JPT2: variants seen among roughly 807,000 people sequenced by gnomAD.
The protein encoded by JPT2 is Jupiter microtubule associated homolog 2.
In JPT2, 9 loss-of-function variants were observed where a neutral mutation model predicts 15.9. The ratio of observed to expected loss-of-function variants is 0.57; its 90% confidence interval spans 0.34 to 0.99. The LOEUF is 0.99. JPT2 is among the 50% of genes least tolerant of loss of function. The pLI is 0.02. For missense variants in JPT2, 267 were observed against 252.1 expected (o/e 1.06, Z -0.40); for synonymous variants, 95 against 91.7 (o/e 1.04, Z -0.21).
At chr16:1,681,329 G>A (rs983853847) in intron 1 of JPT2, among the ~76,000 whole-genome samples, 3 of 152,234 alleles carry the variant, frequency 2.0e-5, no homozygotes, top group Admixed American at 2.0e-4. Flanking sequence ...GATAGCCGCT[G>A]CCCCTTGCCT....
At chr16:1,688,349 C>T (rs560414976) in intron 2 of JPT2, 1 of 152,288 alleles carries the variant, frequency 6.6e-6, no homozygotes, top group Admixed American at 6.5e-5. Flanking sequence ...CAGAGCTAGC[C>T]TTTGAATTGA....
chr16:1,681,197 G>A (rs1054703231), intron 1 of JPT2, among the ~76,000 whole-genome samples: 1 of 152,048 alleles, frequency 6.6e-6, no homozygotes, highest in Non-Finnish European at 1.5e-5. Flanking sequence ...CATTGTTGTC[G>A]GGCTGTTTTT....
rs1386946739 is a variant in JPT2 at position 1,678,303 on chromosome 16, G to T, written c.-10G>T. On this transcript the variant is annotated 5_prime_UTR_variant, in exon 1 of 5. Transcript: ENST00000248098. ...CGGCGCGCGGCGAGCTGAGGGTGGC[G>T]GCGGTCGACATGTTCCAGGTCCCGG... 39 of 1,237,420 alleles carry T rather than the reference G, an allele frequency of 3.2e-5. No individual in the cohort carries two copies. The East Asian group carries it at 6.7e-4, about 21-fold the overall frequency. The allele number at this position is 1,237,420 out of a possible 1,614,324, so 76.7% of individuals were successfully genotyped here.
chr16:1,691,573 G>A (rs901681909), intron 2 of JPT2, among the ~76,000 whole-genome samples: 1 of 152,174 alleles, frequency 6.6e-6, no homozygotes, highest in Admixed American at 6.5e-5. Context: ...AAAATCTGCA[G>A]TTTGATGCCA....
chr16:1,682,361 G>A (rs995619200), intron 1 of JPT2, among the ~76,000 whole-genome samples: 14 of 150,660 alleles, frequency 9.3e-5, no homozygotes, highest in Non-Finnish European at 1.8e-4. Flanking sequence ...TGGTAACAGA[G>A]TGAGACTCCA....
At chr16:1,683,512 A>C in intron 1 of JPT2, 1 of 1,533,740 alleles carries the variant, frequency 6.5e-7, no homozygotes, top group Non-Finnish European at 8.7e-7. Context: ...CCTCCAGGAA[A>C]TGGCAACTGC....
chr16:1,683,399 C>T, intron 1 of JPT2: 1 of 701,884 alleles, frequency 1.4e-6, no homozygotes, highest in Non-Finnish European at 2.4e-6. Flanking sequence ...GTGCCAGGTA[C>T]TGCTCCCGGA....
In JPT2 at chr16:1,699,716, A is replaced by G. The variant is rs549664815; in HGVS notation, c.*718A>G. 6 of 237,342 alleles carry G rather than the reference A, an allele frequency of 2.5e-5. No homozygotes were observed. Among genetic ancestry groups the G allele is most frequent in the Non-Finnish European group, 5.1e-5 (6 of 117,842 alleles). The allele number at this position is 237,342 out of a possible 1,614,324, so 14.7% of individuals were successfully genotyped here. A position where few individuals can be genotyped will look rare whatever the true frequency, so the allele number is the denominator to read the frequency against. On this transcript the variant is annotated 3_prime_UTR_variant, in exon 5 of 5. Transcript: ENST00000248098. ...CACAGGGCTGGTCTTGGTCCTTTACATGCCAGTTTTGCTTGTGAATTCTTG... is the reference window on the plus strand; with the variant it reads ...CACAGGGCTGGTCTTGGTCCTTTACGTGCCAGTTTTGCTTGTGAATTCTTG...
At position 1,700,073 on chromosome 16, in the gene JPT2, G is replaced by GA; in HGVS notation, c.*1081dup. 1 of 442,780 alleles carries GA rather than the reference G, an allele frequency of 2.3e-6. No homozygotes were observed. Among genetic ancestry groups the GA allele is most frequent in the Non-Finnish European group, 4.6e-6 (1 of 217,184 alleles). 27.4% of individuals were successfully genotyped at this position (442,780 alleles called of 1,614,324 possible). A position where few individuals can be genotyped will look rare whatever the true frequency, so the allele number is the denominator to read the frequency against. On this transcript the variant is annotated 3_prime_UTR_variant, in exon 5 of 5. Transcript: ENST00000248098. Reference sequence around the variant, plus strand: ...CTGGTCTGTTTCTGACACCTTTCCAGAAAAAAGTCAATTGTTCAGGTACAC... The same window carrying GA: ...CTGGTCTGTTTCTGACACCTTTCCAGAAAAAAAGTCAATTGTTCAGGTACAC...
At chr16:1,680,481 T>C (rs1226407333) in intron 1 of JPT2, 2 of 1,249,056 alleles carry the variant, frequency 1.6e-6, no homozygotes, top group African/African-American at 1.5e-5. Flanking sequence ...GGAAAGCCGG[T>C]CTGAACTGGA....
rs533794547 is a variant in JPT2, at chr16:1,689,673, C to G, written c.194-2170C>G. The G allele has an allele frequency of 3.9e-5, 6 of 152,460 alleles. No individual in the cohort carries two copies. The East Asian group carries it at 1.2e-3, about 29-fold the overall frequency. 9.4% of individuals were successfully genotyped at this position (152,460 alleles called of 1,614,324 possible). On this transcript the variant is annotated intron_variant, in intron 2 of 4. Transcript: ENST00000248098. ...CCCACGCTAGTATTGAACTCCTGGA[C>G]TCAAGCAGTCCTCCCACCTTGGCCT...
chr16:1,683,071 G>C (rs368936016), intron 1 of JPT2, among the ~76,000 whole-genome samples: 1 of 152,138 alleles, frequency 6.6e-6, no homozygotes, highest in Non-Finnish European at 1.5e-5. Flanking sequence ...CCGCCTCCCG[G>C]GTTCACGCCA....
intron 1 of JPT2, among the ~76,000 whole-genome samples, chr16:1,678,824 T>C (rs1798310279): frequency 6.6e-6 from 1 of 152,094 alleles, no homozygotes; most frequent in Non-Finnish European, 1.5e-5. Context: ...TGTCTGGCCA[T>C]GCCCCCGCTC....
In JPT2 at chr16:1,700,187, CT is replaced by C. The variant is rs1567473152; in HGVS notation, c.*1190del. On this transcript the variant is annotated 3_prime_UTR_variant, in exon 5 of 5. Transcript: ENST00000248098. ...CTCACAAACAAGCTTCCAGAAGAGA[CT>C]AGAGACCTTAGGCCAGGAGATGAAG... is the stretch of plus-strand genomic sequence containing the variant. 1 of 455,984 alleles carries C rather than the reference CT, an allele frequency of 2.2e-6. No individual in the cohort carries two copies. The allele number at this position is 455,984 out of a possible 1,614,324, so 28.2% of individuals were successfully genotyped here.
rs547767532 is a variant in JPT2, at chr16:1,684,360, C to A, written c.45-1079C>A. Among the ~76,000 whole-genome samples, 31 of 152,276 alleles carry A rather than the reference C, an allele frequency of 2.0e-4. No individual in the cohort carries two copies. In the South Asian group the frequency reaches 4.6e-3, roughly 22 times the overall value. ...TCCAGTTGTTATGAATTCAGCGTTT[C>A]ACCGGTTTTTAATGTAGATAGTGCT... On this transcript the variant is annotated intron_variant, in intron 1 of 4. Transcript: ENST00000248098.
At chr16:1,696,931 T>G (rs969459692) in intron 3 of JPT2, among the ~76,000 whole-genome samples, 1 of 152,186 alleles carries the variant, frequency 6.6e-6, no homozygotes, top group African/African-American at 2.4e-5. Context: ...TTAAACAGGA[T>G]TACCATATGA....
intron 1 of JPT2, chr16:1,683,548 C>T: frequency 1.3e-6 from 2 of 1,535,630 alleles, no homozygotes; most frequent in East Asian, 2.4e-5. Flanking sequence ...CATCCACCTC[C>T]CCCAGCCTCC....
At position 1,698,530 on chromosome 16, in the gene JPT2, G is replaced by A. The variant is rs1567472541; in HGVS notation, c.386-281G>A. ...TTGAGATGGAAGAAATGGGAGTGGTGTCTAACAAGCAATATAAAGAAACAA... is the reference window on the plus strand; with the variant it reads ...TTGAGATGGAAGAAATGGGAGTGGTATCTAACAAGCAATATAAAGAAACAA... On this transcript the variant is annotated intron_variant, in intron 4 of 4. Transcript: ENST00000248098. The surrounding 1 kb of genome is among the most constrained non-coding windows in gnomAD (Gnocchi z 4.9). 6.6e-6 allele frequency among the ~76,000 whole-genome samples: 1 copy of A among 152,202 alleles called. No homozygotes were observed. Among genetic ancestry groups the A allele is most frequent in the Non-Finnish European group, 1.5e-5 (1 of 68,032 alleles).
intron 1 of JPT2, among the ~76,000 whole-genome samples, chr16:1,681,627 A>C (rs755624068): frequency 6.6e-6 from 1 of 152,204 alleles, no homozygotes; most frequent in South Asian, 2.1e-4. Flanking sequence ...TCACACAGAC[A>C]CTGAAACCAC....
Sources: allele counts gnomAD v4.1 joint callset (sites outside exome capture counted in the v4.1 genomes callset), GRCh38; gene constraint gnomAD v4.1.1; non-coding constraint Gnocchi (gnomAD v3.1); transcripts MANE v1.5; gene names NCBI Gene and HGNC (gene_info 2026-07-23, HGNC 2026-07-21).